The following PRPF3 variants were observed in gnomAD, a reference collection of about 807,000 sequenced individuals.
PRPF3 encodes the protein pre-mRNA processing factor 3.
Under a neutral mutation model 89.2 loss-of-function variants are expected in PRPF3, and 3 were observed. The ratio of observed to expected loss-of-function variants is 0.03; its 90% CI spans 0.02 to 0.09. PRPF3 has a LOEUF of 0.09. PRPF3 is among the 10% of genes least tolerant of loss of function. PRPF3 has a pLI of 1.00. For synonymous variants in PRPF3, 270 were observed against 289.1 expected (o/e 0.93, Z 0.67); for missense variants, 463 against 828.8 (o/e 0.56, Z 5.42).
intron 4 of PRPF3, among the ~76,000 whole-genome samples, chr1:150,332,279 A>G (rs1297847454): frequency 2.0e-5 from 3 of 151,932 alleles, no homozygotes; most frequent in South Asian, 2.1e-4. Context: ...TTAGGTTTGC[A>G]TGCATTATTT....
chr1:150,349,277 A>G, intron 15 of PRPF3, 59 bp downstream of exon 15: 2 of 1,200,552 alleles, frequency 1.7e-6, no homozygotes, highest in Admixed American at 1.7e-5. Flanking sequence ...TATTTATACT[A>G]TTTGAGTGGA....
At chr1:150,347,163 ATTT>A (rs1218279924) in intron 14 of PRPF3, among the ~76,000 whole-genome samples, 13 of 145,642 alleles carry the variant, frequency 8.9e-5, no homozygotes, top group African/African-American at 2.5e-4. Context: ...TTATTATTTG[ATTT>A]TTTTTTTTTT....
At chr1:150,340,370 G>T in intron 8 of PRPF3, 28 bp from the exon 9 acceptor site, 1 of 1,463,444 alleles carries the variant, frequency 6.8e-7, no homozygotes, top group Non-Finnish European at 9.6e-7. Flanking sequence ...CCCGCATATC[G>T]TGTTTTCTTT....
At chr1:150,342,767 C>T (rs2102007868) in intron 9 of PRPF3, among the ~76,000 whole-genome samples, 1 of 152,204 alleles carries the variant, frequency 6.6e-6, no homozygotes, top group South Asian at 2.1e-4. Flanking sequence ...GTGATCTGCC[C>T]ACCCGTGCCT....
chr1:150,341,436 G>T (rs1394133957), intron 9 of PRPF3, among the ~76,000 whole-genome samples: 1 of 108,522 alleles, frequency 9.2e-6, no homozygotes. Context: ...GAGGAGTTTC[G>T]CTCTTGTGGT....
intron 9 of PRPF3, among the ~76,000 whole-genome samples, chr1:150,342,104 A>G (rs1657807612): frequency 6.6e-6 from 1 of 151,870 alleles, no homozygotes; most frequent in Non-Finnish European, 1.5e-5. Context: ...ATAAGAGGCC[A>G]GGCGAGGTGG....
At chr1:150,324,310 A>G (rs1553863059) in intron 1 of PRPF3, among the ~76,000 whole-genome samples, 1 of 152,230 alleles carries the variant, frequency 6.6e-6, no homozygotes, top group East Asian at 1.9e-4. Flanking sequence ...TGACAGGATC[A>G]AGAAAGAAGC....
intron 1 of PRPF3, among the ~76,000 whole-genome samples, chr1:150,323,082 C>T (rs987034264): frequency 2.7e-5 from 4 of 150,432 alleles, no homozygotes; most frequent in African/African-American, 9.7e-5. Flanking sequence ...ACCATGTTGG[C>T]CAGGCTGGTC....
intron 1 of PRPF3, among the ~76,000 whole-genome samples, chr1:150,323,237 C>T (rs1230560592): frequency 6.9e-5 from 8 of 115,400 alleles, no homozygotes; most frequent in South Asian, 3.1e-4. Context: ...CTGGAGTGCA[C>T]ATGATTTTGG....
intron 6 of PRPF3, among the ~76,000 whole-genome samples, chr1:150,333,536 G>A (rs782744939): frequency 2.7e-4 from 41 of 152,104 alleles, no homozygotes; most frequent in Non-Finnish European, 5.4e-4. Flanking sequence ...CACTGCGTGG[G>A]TGACAGAGGG....
chr1:150,333,248 G>A (rs1553866260), intron 6 of PRPF3, 49 bp downstream of exon 6: 21 of 1,579,790 alleles, frequency 1.3e-5, no homozygotes, highest in East Asian at 9.0e-5. Flanking sequence ...AGTTTGAGAA[G>A]CAATAAATAC....
rs1657983367 is a variant in PRPF3 at position 150,343,397 on chromosome 1, G to A, written c.1371G>A (p.Gln457=). 6.2e-7 allele frequency: 1 copy of A among 1,610,006 alleles called. No individual in the cohort carries two copies. Among genetic ancestry groups the A allele is most frequent in the African/African-American group, 1.3e-5 (1 of 74,776 alleles). The change falls in exon 10 of 16, where the codon CAG becomes CAA. Residue 457 remains glutamine (Q), a synonymous_variant. Coordinates refer to ENST00000324862, the MANE Select transcript of PRPF3 (RefSeq NM_004698.4). ...KLRRQTRREA[Q]KELQEKVRLG... is the part of the protein sequence containing the mutation. ...GGAGACAAACAAGGAGGGAAGCACA[G>A]AAGGAACTACAAGAAAAAGTCAGGC...
At position 150,349,164 on chromosome 1, in the gene PRPF3, G is replaced by T. The variant is rs782390597; in HGVS notation, c.1851G>T (p.Glu617Asp). The stretch of plus-strand genomic sequence containing the variant: ...ACAAGATTTCTCTTCCAGATGATGA[G>T]GAGTCTGATGAGGAAGCTGTGAAGA... ...QTSNTKGDDD[E>D]ESDEEAVKKT... The change falls in exon 15 of 16, where the codon GAG (glutamate) becomes GAT (aspartate). Residue 617 changes from glutamate (E) to aspartate (D), a missense_variant. Coordinates refer to ENST00000324862, the MANE Select transcript of PRPF3 (RefSeq NM_004698.4). 1.2e-6 allele frequency: 2 copies of T among 1,613,292 alleles called. No individual in the cohort carries two copies. Among genetic ancestry groups the T allele is most frequent in the Admixed American group, 1.7e-5 (1 of 59,986 alleles).
At chr1:150,339,856 C>G (rs115709258) in intron 8 of PRPF3, among the ~76,000 whole-genome samples, 4 of 150,288 alleles carry the variant, frequency 2.7e-5, no homozygotes, top group African/African-American at 9.8e-5. Context: ...CATAAGTATC[C>G]GGGACTACAG....
In PRPF3 at chr1:150,335,081, A is replaced by G; in HGVS notation, c.875A>G (p.Gln292Arg). Residue 292 changes from glutamine to arginine, a missense_variant, in exon 7 of 16, where the codon CAA (glutamine) becomes CGA (arginine). Around this residue, in one of 8 missense-constraint regions of PRPF3, gnomAD observed 261 missense variants for 475.8 expected, o/e 0.55. Transcript: ENST00000324862. The stretch of plus-strand genomic sequence containing the variant: ...AATATTCGTGCTGTGAAGAGGGAAC[A>G]ATTCAAGCAACAACTAAAGGAAAAG... ...KANIRAVKRE[Q>R]FKQQLKEKPS... 1 of 1,614,152 alleles carries G rather than the reference A, an allele frequency of 6.2e-7. No individual in the cohort carries two copies. Among genetic ancestry groups the G allele is most frequent in the Non-Finnish European group, 8.5e-7 (1 of 1,180,026 alleles).
At chr1:150,339,226 G>A (rs1657395325) in intron 8 of PRPF3, among the ~76,000 whole-genome samples, 1 of 149,770 alleles carries the variant, frequency 6.7e-6, no homozygotes, top group Non-Finnish European at 1.5e-5. Context: ...AAAAAAAAAA[G>A]TAGCTGGGCA....
chr1:150,347,194 A>G (rs1553873130), intron 14 of PRPF3, among the ~76,000 whole-genome samples: 1 of 151,910 alleles, frequency 6.6e-6, no homozygotes, highest in East Asian at 1.9e-4. Context: ...GAAGCCAAAA[A>G]GATCTTCAGG....
intron 6 of PRPF3, among the ~76,000 whole-genome samples, chr1:150,333,542 GA>G (rs1361507595): frequency 1.3e-5 from 2 of 152,186 alleles, no homozygotes; most frequent in African/African-American, 4.8e-5. Flanking sequence ...GTGGGTGACA[GA>G]GGGAGACTCC....
At position 150,342,337 on chromosome 1, in the gene PRPF3, G is replaced by A. The variant is rs143974391; in HGVS notation, c.1283-972G>A. On this transcript the variant is annotated intron_variant, in intron 9 of 15. Transcript: ENST00000324862. ...AGAGCTTGCAGTGAGCTGAGATTGC[G>A]CCACTGCACTCCAGCCTGGGCAGCA... Among the ~76,000 whole-genome samples, 748 of 151,992 alleles carry A rather than the reference G, an allele frequency of 4.9e-3. 3 individuals carry two copies. The highest frequency in any genetic ancestry group is 6.4e-3 in the Non-Finnish European group (435 of 67,970).
Sources: allele counts gnomAD v4.1 joint callset (sites outside exome capture counted in the v4.1 genomes callset), GRCh38; gene constraint gnomAD v4.1.1; regional missense constraint gnomAD v4.1.1; transcripts MANE v1.5; gene names NCBI Gene and HGNC (gene_info 2026-07-23, HGNC 2026-07-21).